RFC1: variants seen among roughly 807,000 people sequenced by gnomAD.
RFC1 encodes the protein replication factor C subunit 1, also known as A1 140 kDa subunit.
A neutral mutation model predicts 137.4 loss-of-function variants in RFC1; 37 were observed. That is an observed-to-expected ratio of 0.27 (90% confidence interval 0.21 to 0.35). The LOEUF is 0.35. RFC1 is among the 10% of genes least tolerant of loss of function. The pLI is 1.00. For synonymous variants in RFC1, 429 were observed against 455.7 expected (o/e 0.94, Z 0.75); for missense variants, 1,205 against 1,358.5 (o/e 0.89, Z 1.78).
At chr4:39,354,829 TC>T (rs1290841952) in intron 1 of RFC1, among the ~76,000 whole-genome samples, 1 of 143,686 alleles carries the variant, frequency 7.0e-6, no homozygotes, top group African/African-American at 2.6e-5. Context: ...ACGCCTGTAA[TC>T]CCGGCACTTT....
intron 22 of RFC1, among the ~76,000 whole-genome samples, chr4:39,292,660 A>G (rs967746423): frequency 7.2e-6 from 1 of 139,198 alleles, no homozygotes; most frequent in African/African-American, 2.9e-5. Flanking sequence ...ATTTATTTAA[A>G]GACGAAGCCT....
At chr4:39,337,435 A>AGTGTGTGTGTGT (rs71921435) in intron 4 of RFC1, among the ~76,000 whole-genome samples, 5 of 143,698 alleles carry the variant, frequency 3.5e-5, no homozygotes, top group African/African-American at 1.0e-4. Context: ...TACTCAAATA[A>AGTGTGTGTGTGT]GTGTGTGTGT....
chr4:39,311,994 C>G (rs1738983199), intron 11 of RFC1, among the ~76,000 whole-genome samples: 1 of 152,174 alleles, frequency 6.6e-6, no homozygotes, highest in Non-Finnish European at 1.5e-5. Flanking sequence ...CCAGAAACGT[C>G]TTGGTTCTTC....
intron 4 of RFC1, among the ~76,000 whole-genome samples, chr4:39,330,693 C>T (rs1239189337): frequency 1.3e-5 from 2 of 152,320 alleles, no homozygotes; most frequent in African/African-American, 4.8e-5. Flanking sequence ...CCCCATTTTG[C>T]TTACACTAAA....
At chr4:39,306,727 G>A (rs765577950) in intron 13 of RFC1, 26 bp from the exon 14 acceptor site, 1 of 1,356,360 alleles carries the variant, frequency 7.4e-7, no homozygotes, top group Non-Finnish European at 1.1e-6. Flanking sequence ...AAGTTCCAGA[G>A]TGTCAACCTA....
intron 4 of RFC1, among the ~76,000 whole-genome samples, chr4:39,328,775 G>C (rs1275098599): frequency 2.0e-5 from 3 of 152,136 alleles, no homozygotes; most frequent in African/African-American, 4.8e-5. Context: ...CCCAACTTAA[G>C]GCCTGTCATT....
intron 21 of RFC1, among the ~76,000 whole-genome samples, chr4:39,298,319 A>AAG (rs1738147684): frequency 6.6e-6 from 1 of 151,718 alleles, no homozygotes; most frequent in South Asian, 2.1e-4. Flanking sequence ...AAAAAAAAAA[A>AAG]AAAAAAAAAA....
chr4:39,294,232 A>G (rs189166813), intron 22 of RFC1, among the ~76,000 whole-genome samples: 1 of 152,372 alleles, frequency 6.6e-6, no homozygotes, highest in East Asian at 1.9e-4. Flanking sequence ...ACAAGATAAT[A>G]AAATAGAATT....
chr4:39,348,424 A>AAAAGAAAAGAAAAG, intron 2 of RFC1, among the ~76,000 whole-genome samples: 1 of 71,814 alleles, frequency 1.4e-5, no homozygotes, highest in East Asian at 3.5e-4. Flanking sequence ...CTCTGTTTCA[A>AAAAGAAAAGAAAAG]AAAAGAAAAG....
At chr4:39,295,502 A>T in intron 22 of RFC1, 112 bp downstream of exon 22, 1 of 828,992 alleles carries the variant, frequency 1.2e-6, no homozygotes. Context: ...TCATCTAGTT[A>T]CCAATAAAAT....
At chr4:39,342,851 G>C (rs549034582) in intron 3 of RFC1, among the ~76,000 whole-genome samples, 1 of 152,220 alleles carries the variant, frequency 6.6e-6, no homozygotes, top group Non-Finnish European at 1.5e-5. Context: ...AGCATTCTTG[G>C]CTCAAAGACC....
chr4:39,329,801 G>T (rs1216785815), intron 4 of RFC1, among the ~76,000 whole-genome samples: 1 of 152,160 alleles, frequency 6.6e-6, no homozygotes, highest in African/African-American at 2.4e-5. Context: ...CCGGGAGGCC[G>T]AGATGGGCGG....
chr4:39,333,411 T>C (rs1307059331), intron 4 of RFC1, among the ~76,000 whole-genome samples: 2 of 152,150 alleles, frequency 1.3e-5, no homozygotes, highest in Admixed American at 6.5e-5. Flanking sequence ...ATGACAAATA[T>C]TTGCATATAA....
intron 6 of RFC1, among the ~76,000 whole-genome samples, chr4:39,324,661 A>G (rs958383012): frequency 2.6e-5 from 4 of 152,252 alleles, no homozygotes; most frequent in African/African-American, 7.2e-5. Context: ...TATGCCAGAC[A>G]CTAAGATAAG....
chr4:39,331,716 A>AT (rs1453097446), intron 4 of RFC1, among the ~76,000 whole-genome samples: 1 of 152,268 alleles, frequency 6.6e-6, no homozygotes, highest in African/African-American at 2.4e-5. Flanking sequence ...AGCAGATGAC[A>AT]TAACAGTATG....
Position 39,326,620 on chromosome 4 carries a change from C to T in RFC1, c.585G>A (p.Glu195=). 1 of 1,612,788 alleles carries T rather than the reference C, an allele frequency of 6.2e-7. No homozygotes were observed. The change falls in exon 6 of 25, where the codon GAG becomes GAA. Residue 195 remains glutamate (E), a synonymous_variant. Coordinates refer to ENST00000349703, the MANE Select transcript of RFC1 (RefSeq NM_002913.5). ...CGATGGCTTCATCATTTAATCCAGA[C>T]TCATCTGTATTTTGTGAAAGCTATA... is the stretch of plus-strand genomic sequence containing the variant. ...KRKELSQNTD[E]SGLNDEAIAK...
At position 39,308,946 on chromosome 4, in the gene RFC1, TTC is replaced by T; in HGVS notation, c.1573_1574del (p.Glu525IlefsTer2). The stretch of plus-strand genomic sequence containing the variant: ...TGGAAGTCGGCCTGCTCTTTTTAGA[TTC>T]TGATTCCTTTTTAGATGGACTAATT... ...RKISPSKKESESKKSRPTSKR... is the reference protein window; with the variant it reads ...RKISPSKKESXSKKSRPTSKR... On this transcript the variant is annotated frameshift_variant, in exon 13 of 25. Transcript: ENST00000349703. LOFTEE classifies it high-confidence loss of function. 1 of 1,614,146 alleles carries T rather than the reference TTC, an allele frequency of 6.2e-7. No homozygotes were observed. Among genetic ancestry groups the T allele is most frequent in the Non-Finnish European group, 8.5e-7 (1 of 1,180,032 alleles).
At chr4:39,308,507 T>C (rs1175604000) in intron 13 of RFC1, 129 bp downstream of exon 13, 3 of 1,308,124 alleles carry the variant, frequency 2.3e-6, no homozygotes, top group Non-Finnish European at 3.2e-6. Flanking sequence ...TGCACCTGGG[T>C]TCAGATCAAG....
At position 39,345,480 on chromosome 4, in the gene RFC1, T is replaced by C. The variant is rs367640155; in HGVS notation, c.133-4A>G. ...CCTCTTTACGGGAGCTATTTACCTA[T>C]AAACATCACAATATAATTAGAACAT... On this transcript the variant is annotated splice_polypyrimidine_tract_variant and splice_region_variant and intron_variant, in intron 2 of 24. Transcript: ENST00000349703. 445 of 1,606,412 alleles carry C rather than the reference T, an allele frequency of 2.8e-4. No individual in the cohort carries two copies. Among genetic ancestry groups the C allele is most frequent in the Non-Finnish European group, 3.7e-4 (429 of 1,175,050 alleles).
Sources: allele counts gnomAD v4.1 joint callset (sites outside exome capture counted in the v4.1 genomes callset), GRCh38; gene constraint gnomAD v4.1.1; transcripts MANE v1.5; gene names NCBI Gene and HGNC (gene_info 2026-07-23, HGNC 2026-07-21).